Variants in NOL4 observed in about 807,000 individuals in gnomAD.
NOL4 encodes the protein cancer/testis antigen 125.
Under a neutral mutation model 75.9 loss-of-function variants are expected in NOL4, and 17 were observed. That is an observed-to-expected ratio of 0.22 (90% CI 0.15 to 0.34). The LOEUF (loss-of-function observed/expected upper bound fraction) is 0.34, where lower values mean the gene tolerates loss of function less well. Ranked by LOEUF, NOL4 falls within the 10% of genes least tolerant of loss-of-function variation. The pLI is 1.00. For missense variants in NOL4, 614 were observed against 793.5 expected, an observed-to-expected ratio of 0.77 and a Z score of 2.72; for synonymous variants, 292 against 289.9, an observed-to-expected ratio of 1.01 and a Z score of -0.07.
chr18:33,927,165 T>C (rs2067385438), intron 9 of NOL4, among the ~76,000 whole-genome samples: 1 of 152,144 alleles, frequency 6.6e-6, no homozygotes, highest in African/African-American at 2.4e-5. Flanking sequence ...CTCTGTTTTC[T>C]TAAGTAATAA....
intron 6 of NOL4, among the ~76,000 whole-genome samples, chr18:33,991,947 T>A (rs2146117534): frequency 6.7e-6 from 1 of 148,238 alleles, no homozygotes; most frequent in Middle Eastern, 3.4e-3. Context: ...GTTTTTGTAC[T>A]TTTGATATAT....
At chr18:33,987,707 A>G (rs541960177) in intron 6 of NOL4, among the ~76,000 whole-genome samples, 16 of 152,144 alleles carry the variant, frequency 1.1e-4, no homozygotes, top group Non-Finnish European at 1.9e-4. Context: ...AAGGTATTAG[A>G]GCCAGGATTT....
At chr18:33,902,756 T>G (rs2065817332) in intron 9 of NOL4, among the ~76,000 whole-genome samples, 2 of 152,248 alleles carry the variant, frequency 1.3e-5, no homozygotes, top group Admixed American at 1.3e-4. Context: ...ACATTGCAGG[T>G]TTTTCTTTGC....
chr18:33,927,632 G>T (rs1294399180), intron 9 of NOL4, among the ~76,000 whole-genome samples: 1 of 152,030 alleles, frequency 6.6e-6, no homozygotes, highest in Non-Finnish European at 1.5e-5. Context: ...AATGTATAAG[G>T]ATTTATCCAT....
intron 4 of NOL4, among the ~76,000 whole-genome samples, chr18:34,095,149 C>T (rs1273446883): frequency 6.6e-6 from 1 of 151,982 alleles, no homozygotes; most frequent in Non-Finnish European, 1.5e-5. Flanking sequence ...TAAGGAAATG[C>T]CACTGTGTCA....
intron 5 of NOL4, among the ~76,000 whole-genome samples, chr18:34,075,549 G>C (rs890026093): frequency 3.3e-5 from 5 of 152,022 alleles, no homozygotes; most frequent in Non-Finnish European, 5.9e-5. Flanking sequence ...TCAGACTTTT[G>C]AGCATTTTGG....
intron 6 of NOL4, among the ~76,000 whole-genome samples, chr18:33,995,984 C>T (rs2073253958): frequency 6.6e-6 from 1 of 151,840 alleles, no homozygotes; most frequent in African/African-American, 2.4e-5. Flanking sequence ...TGTTATTCTT[C>T]TGCCTAGTTA....
At chr18:34,144,521 A>C (rs7238523) in intron 1 of NOL4, among the ~76,000 whole-genome samples, 152,128 of 152,192 alleles carry the variant, frequency 1, 76,032 homozygotes, top group Middle Eastern at 1. Flanking sequence ...AATTTGATAG[A>C]AAAACTAACC....
At chr18:33,862,896 T>G (rs2144315799) in intron 10 of NOL4, among the ~76,000 whole-genome samples, 1 of 152,328 alleles carries the variant, frequency 6.6e-6, no homozygotes, top group Non-Finnish European at 1.5e-5. Flanking sequence ...AGAAATACCA[T>G]TTGACCCAGC....
At chr18:33,951,082 C>T (rs1331222715) in intron 8 of NOL4, among the ~76,000 whole-genome samples, 1 of 152,142 alleles carries the variant, frequency 6.6e-6, no homozygotes, top group East Asian at 1.9e-4. Flanking sequence ...CCAAGGCTCA[C>T]TGACTATCAA....
At chr18:33,957,879 C>T (rs1257353982) in intron 7 of NOL4, among the ~76,000 whole-genome samples, 1 of 152,110 alleles carries the variant, frequency 6.6e-6, no homozygotes, top group Non-Finnish European at 1.5e-5. Flanking sequence ...GTGGACTAAT[C>T]TCTGAAATCA....
chr18:34,179,637 C>A (rs2033865587), intron 1 of NOL4, among the ~76,000 whole-genome samples: 1 of 151,444 alleles, frequency 6.6e-6, no homozygotes, highest in Non-Finnish European at 1.5e-5. Context: ...CATAGAAAGA[C>A]CCCAACTAAC....
intron 1 of NOL4, among the ~76,000 whole-genome samples, chr18:34,175,861 G>A (rs1336153517): frequency 1.3e-5 from 2 of 151,916 alleles, no homozygotes; most frequent in African/African-American, 4.8e-5. Flanking sequence ...CAAATCTTGG[G>A]GAGAGACAAG....
chr18:34,158,920 G>C (rs1244482491), intron 1 of NOL4, among the ~76,000 whole-genome samples: 7 of 152,152 alleles, frequency 4.6e-5, no homozygotes, highest in Non-Finnish European at 1.0e-4. Context: ...ATGTAGAATG[G>C]AAAGCCAAAT....
chr18:33,941,874 T>C (rs920165947), intron 9 of NOL4, among the ~76,000 whole-genome samples: 1 of 151,920 alleles, frequency 6.6e-6, no homozygotes, highest in African/African-American at 2.4e-5. Context: ...TTTATAGATA[T>C]AACAATGATA....
At chr18:33,962,407 A>G (rs2070218418) in intron 6 of NOL4, among the ~76,000 whole-genome samples, 1 of 152,222 alleles carries the variant, frequency 6.6e-6, no homozygotes, top group South Asian at 2.1e-4. Flanking sequence ...AAGCAGCAGG[A>G]GATATTCTCG....
intron 6 of NOL4, among the ~76,000 whole-genome samples, chr18:34,016,863 G>T (rs1017841576): frequency 3.3e-5 from 5 of 152,054 alleles, no homozygotes; most frequent in Admixed American, 2.0e-4. Context: ...ACAGTGACTT[G>T]CATGTAGGAA....
chr18:34,207,887 G>A (rs946714509), intron 1 of NOL4, among the ~76,000 whole-genome samples: 4 of 152,122 alleles, frequency 2.6e-5, no homozygotes, highest in East Asian at 1.9e-4. Context: ...CTCTCTGCTG[G>A]CACTGCCACC....
chr18:33,926,996 C>T (rs1002164839), intron 9 of NOL4, among the ~76,000 whole-genome samples: 9 of 152,124 alleles, frequency 5.9e-5, no homozygotes, highest in African/African-American at 2.2e-4. Flanking sequence ...TGTACTTTGG[C>T]TCTCTGTCCT....
Sources: gnomAD v4.1 joint callset for allele counts (sites outside exome capture counted in the v4.1 genomes callset) on GRCh38, gnomAD v4.1.1 for gene constraint, MANE v1.5 for transcripts, NCBI Gene and HGNC (gene_info 2026-07-23, HGNC 2026-07-21) for gene names.